Variants in GREB1 observed in about 807,000 individuals in gnomAD.
The protein encoded by GREB1 is growth regulating estrogen receptor binding 1.
A neutral mutation model predicts 200.7 loss-of-function variants in GREB1; 106 were observed. The observed-to-expected ratio is 0.53, with a 90% CI of 0.45 to 0.62. GREB1 has a LOEUF of 0.62. Ranked by LOEUF, GREB1 falls within the 20% of genes least tolerant of loss-of-function variation. GREB1 has a pLI of 0.00. For synonymous variants in GREB1, 1,132 were observed against 1,092.4 expected (o/e 1.04, Z -0.72); for missense variants, 2,243 against 2,556.8 (o/e 0.88, Z 2.65).
chr2:11,614,520 G>T (rs1683220102), intron 19 of GREB1, among the ~76,000 whole-genome samples: 1 of 152,082 alleles, frequency 6.6e-6, no homozygotes, highest in Non-Finnish European at 1.5e-5. Flanking sequence ...TCGCTAGGAA[G>T]TAGCAGAGCT....
intron 3 of GREB1, among the ~76,000 whole-genome samples, chr2:11,565,505 C>G (rs990845540): frequency 2.0e-5 from 3 of 152,202 alleles, no homozygotes; most frequent in African/African-American, 7.2e-5. Context: ...GGAGCTAAAG[C>G]TACAGGAAGC....
Position 11,632,921 on chromosome 2 carries a change from TACCATA to T in GREB1, c.4853_4858del (p.His1618_Asn1619del). The T allele has an allele frequency of 6.2e-7, 1 of 1,614,096 alleles. No homozygotes were observed. The highest frequency in any genetic ancestry group is 1.1e-5 in the South Asian group (1 of 91,066). ...TCATTTCCTCATCAAGGAGCTGTCC[TACCATA>T]ACCTGGAGCTCGAGCGGAACCGGCA... On this transcript the variant is annotated inframe_deletion, in exon 28 of 33. Transcript: ENST00000381486.
chr2:11,595,551 C>T (rs531730600), intron 12 of GREB1, among the ~76,000 whole-genome samples, 172 bp downstream of exon 12: 5 of 152,308 alleles, frequency 3.3e-5, no homozygotes, highest in African/African-American at 1.2e-4. Context: ...TCTTGAGTGA[C>T]AGCTGCGGGT....
At chr2:11,553,881 G>C (rs1340935193) in intron 1 of GREB1, among the ~76,000 whole-genome samples, 2 of 152,060 alleles carry the variant, frequency 1.3e-5, no homozygotes, top group African/African-American at 4.8e-5. Flanking sequence ...TGTTCTTTCT[G>C]TCAGAGGACA....
intron 1 of GREB1, among the ~76,000 whole-genome samples, chr2:11,549,483 T>C (rs1675602063): frequency 6.6e-6 from 1 of 152,218 alleles, no homozygotes; most frequent in South Asian, 2.1e-4. Context: ...TATTTTTGTC[T>C]CATTTTGGAA....
intron 1 of GREB1, among the ~76,000 whole-genome samples, chr2:11,524,664 T>C (rs572291484): frequency 6.6e-6 from 1 of 152,358 alleles, no homozygotes; most frequent in South Asian, 2.1e-4. Flanking sequence ...TTCGTTACTT[T>C]TCATACTGTG....
rs1680406411 is a variant in GREB1 at position 11,588,585 on chromosome 2, C to A, written c.1160-161C>A. On this transcript the variant is annotated intron_variant, in intron 9 of 32. Transcript: ENST00000381486. The stretch of plus-strand genomic sequence containing the variant: ...TCATCCTAGGCTCCAGGAGGGTGAG[C>A]AGGTGCACTCAATGAGCAAGGCTTC... 4.2e-6 allele frequency: 3 copies of A among 716,164 alleles called. No homozygotes were observed. In the South Asian group the frequency reaches 4.7e-5, roughly 11 times the overall value. The allele number at this position is 716,164 out of a possible 1,614,324, so 44.4% of individuals were successfully genotyped here. A position where few individuals can be genotyped will look rare whatever the true frequency, so the allele number is the denominator to read the frequency against.
At chr2:11,556,889 A>G in intron 2 of GREB1, 118 bp downstream of exon 2, 1 of 754,826 alleles carries the variant, frequency 1.3e-6, no homozygotes, top group Non-Finnish European at 1.9e-6. Context: ...GCAGAAAAGA[A>G]TTATTAGAAA....
chr2:11,545,437 G>C (rs1675181017), intron 1 of GREB1, among the ~76,000 whole-genome samples: 2 of 152,174 alleles, frequency 1.3e-5, no homozygotes, highest in African/African-American at 4.8e-5. Context: ...CGGCCAATCA[G>C]CAACTTTCTA....
chr2:11,484,700 T>G (rs769240386), intron 1 of GREB1, among the ~76,000 whole-genome samples: 1 of 152,220 alleles, frequency 6.6e-6, no homozygotes, highest in Non-Finnish European at 1.5e-5. Context: ...GGAGGGTCTC[T>G]TGAGCCCACG....
chr2:11,622,018 G>T (rs1684051523), intron 23 of GREB1, among the ~76,000 whole-genome samples: 1 of 152,166 alleles, frequency 6.6e-6, no homozygotes, highest in Non-Finnish European at 1.5e-5. Context: ...TATCTCTTTT[G>T]TTGAATAGGG....
intron 1 of GREB1, among the ~76,000 whole-genome samples, chr2:11,538,646 T>C (rs1422308347): frequency 4.1e-3 from 96 of 23,578 alleles, no homozygotes; most frequent in South Asian, 0.029. Context: ...TCTTTCTTTC[T>C]TTCTTTCTTT....
chr2:11,607,555 CATAT>C (rs1215216428), intron 17 of GREB1, among the ~76,000 whole-genome samples: 6 of 135,710 alleles, frequency 4.4e-5, no homozygotes, highest in Middle Eastern at 3.7e-3. Flanking sequence ...TATGTACATA[CATAT>C]ATATACGCAT....
intron 24 of GREB1, 22 bp from the exon 25 acceptor site, chr2:11,626,940 A>C: frequency 1.2e-6 from 2 of 1,613,794 alleles, no homozygotes; most frequent in Non-Finnish European, 8.5e-7. Context: ...GCTGCTTTTT[A>C]ATCCTGGGGA....
intron 27 of GREB1, 64 bp from the exon 28 acceptor site, chr2:11,632,825 G>T: frequency 1.4e-6 from 2 of 1,447,472 alleles, no homozygotes; most frequent in Non-Finnish European, 1.9e-6. Context: ...GGTCTGCCTG[G>T]GGTCTGTCTG....
At chr2:11,497,406 C>A (rs1228533984) in intron 1 of GREB1, among the ~76,000 whole-genome samples, 1 of 152,152 alleles carries the variant, frequency 6.6e-6, no homozygotes, top group Non-Finnish European at 1.5e-5. Context: ...CAGTTTTTGG[C>A]TCTTATGAAT....
chr2:11,575,189 C>G (rs561223004), intron 4 of GREB1, among the ~76,000 whole-genome samples: 3 of 152,224 alleles, frequency 2.0e-5, no homozygotes, highest in Non-Finnish European at 4.4e-5. Flanking sequence ...GTAGACTTAT[C>G]AAATGGAGAA....
intron 26 of GREB1, among the ~76,000 whole-genome samples, chr2:11,631,519 G>A (rs1218216209): frequency 1.3e-5 from 2 of 152,200 alleles, no homozygotes; most frequent in Non-Finnish European, 2.9e-5. Flanking sequence ...GCTTGGTTCA[G>A]CCGGATGATT....
chr2:11,564,904 C>T (rs573426850), intron 3 of GREB1, among the ~76,000 whole-genome samples: 50 of 152,198 alleles, frequency 3.3e-4, no homozygotes, highest in Non-Finnish European at 6.9e-4. Context: ...TGGCAGCAGA[C>T]AAGACAGGAG....
Sources: gnomAD v4.1 joint callset for allele counts (sites outside exome capture counted in the v4.1 genomes callset) on GRCh38, gnomAD v4.1.1 for gene constraint, MANE v1.5 for transcripts, NCBI Gene and HGNC (gene_info 2026-07-23, HGNC 2026-07-21) for gene names.